NIPBL: variants seen among roughly 807,000 people sequenced by gnomAD.
The protein encoded by NIPBL is NIPBL cohesin loading factor.
In NIPBL, 19 loss-of-function variants were observed where a neutral mutation model predicts 321.8. The observed-to-expected ratio is 0.06, with a 90% CI of 0.04 to 0.09. The LOEUF (loss-of-function observed/expected upper bound fraction) is 0.09. Among genes scored for constraint, NIPBL ranks in the 10% least tolerant of loss-of-function variants. The pLI is 1.00. For synonymous variants in NIPBL, 1,106 were observed against 1,114.1 expected, an observed-to-expected ratio of 0.99 and a Z score of 0.14; for missense variants, 2,210 against 3,327.0, an observed-to-expected ratio of 0.66 and a Z score of 8.26.
rs1015605027 is a variant in NIPBL at position 37,045,432 on chromosome 5, A to G, written c.6344-11A>G. ...TAAATATTATAAGTAAATATTACTTATCTTTATTAGGTGCCATTTCAAAAT... is the reference window on the plus strand; with the variant it reads ...TAAATATTATAAGTAAATATTACTTGTCTTTATTAGGTGCCATTTCAAAAT... On this transcript the variant is annotated splice_polypyrimidine_tract_variant and intron_variant, in intron 36 of 46. Transcript: ENST00000282516. The G allele has an allele frequency of 1.3e-6, 2 of 1,574,016 alleles. No homozygotes were observed. The highest frequency in any genetic ancestry group is 2.7e-5 in the African/African-American group (2 of 74,106).
intron 4 of NIPBL, among the ~76,000 whole-genome samples, chr5:36,959,084 G>A (rs1741310267): frequency 6.6e-6 from 1 of 152,126 alleles, no homozygotes; most frequent in Admixed American, 6.5e-5. Context: ...GTGTGCGCCT[G>A]TAGTCCCAGC....
chr5:36,973,674 T>C (rs1315045505), intron 8 of NIPBL, among the ~76,000 whole-genome samples: 1 of 152,164 alleles, frequency 6.6e-6, no homozygotes, highest in African/African-American at 2.4e-5. Flanking sequence ...TTTCACCATG[T>C]TGGTCAGGCT....
chr5:36,908,891 C>G (rs1747842341), intron 1 of NIPBL, among the ~76,000 whole-genome samples: 1 of 152,188 alleles, frequency 6.6e-6, no homozygotes, highest in Non-Finnish European at 1.5e-5. Context: ...ATAACATATA[C>G]CATGTTACAT....
intron 1 of NIPBL, among the ~76,000 whole-genome samples, chr5:36,908,258 T>G (rs932862591): frequency 6.6e-6 from 1 of 152,208 alleles, no homozygotes; most frequent in Non-Finnish European, 1.5e-5. Flanking sequence ...TAGTGTTTGC[T>G]TAAACATTCT....
At chr5:36,904,236 C>T (rs932014743) in intron 1 of NIPBL, among the ~76,000 whole-genome samples, 2 of 152,194 alleles carry the variant, frequency 1.3e-5, no homozygotes, top group Non-Finnish European at 2.9e-5. Flanking sequence ...TTTGGGAGGC[C>T]GAGTTGGGCT....
chr5:37,016,348 ATGT>A (rs1748992848), intron 23 of NIPBL, among the ~76,000 whole-genome samples, 178 bp downstream of exon 23: 1 of 152,186 alleles, frequency 6.6e-6, no homozygotes, highest in South Asian at 2.1e-4. Flanking sequence ...AAATTTTCAA[ATGT>A]TGTGAAGTTT....
chr5:37,024,347 G>T (rs1462410929), intron 29 of NIPBL, among the ~76,000 whole-genome samples: 1 of 152,090 alleles, frequency 6.6e-6, no homozygotes, highest in Non-Finnish European at 1.5e-5. Context: ...CTAGTCTTGT[G>T]TCCAGGGCTT....
intron 40 of NIPBL, 60 bp from the exon 41 acceptor site, chr5:37,051,719 A>G (rs926811647): frequency 2.2e-5 from 25 of 1,148,870 alleles, no homozygotes; most frequent in African/African-American, 3.1e-5. Context: ...GTTTTGACAT[A>G]TGTCTAAATA....
chr5:37,059,291 G>A, intron 44 of NIPBL, 126 bp downstream of exon 44: 1 of 950,774 alleles, frequency 1.1e-6, no homozygotes, highest in Non-Finnish European at 1.6e-6. Flanking sequence ...CAGATCCCCT[G>A]AGGTCAGGAG....
intron 1 of NIPBL, among the ~76,000 whole-genome samples, chr5:36,945,643 C>T (rs1205447085): frequency 1.3e-5 from 2 of 152,114 alleles, no homozygotes; most frequent in East Asian, 3.8e-4. Flanking sequence ...AGTTTTAGAA[C>T]TTTGCTTTAT....
intron 32 of NIPBL, among the ~76,000 whole-genome samples, chr5:37,034,560 G>A (rs1751476738): frequency 6.6e-6 from 1 of 152,126 alleles, no homozygotes; most frequent in Non-Finnish European, 1.5e-5. Flanking sequence ...AAATACAGCT[G>A]TATGCAGTAA....
chr5:37,031,223 T>A (rs1481125125), intron 32 of NIPBL, among the ~76,000 whole-genome samples: 1 of 152,104 alleles, frequency 6.6e-6, no homozygotes, highest in African/African-American at 2.4e-5. Flanking sequence ...AGACCTCAGG[T>A]GATCTGCCCA....
chr5:36,877,538 G>T (rs75611087), intron 1 of NIPBL, among the ~76,000 whole-genome samples: 1 of 152,334 alleles, frequency 6.6e-6, no homozygotes, highest in East Asian at 1.9e-4. Context: ...CGGGAGTGGA[G>T]CCGTAGCTAG....
At chr5:37,064,222 T>C in intron 46 of NIPBL, 1 of 1,390,068 alleles carries the variant, frequency 7.2e-7, no homozygotes, top group Non-Finnish European at 9.3e-7. Flanking sequence ...TTTCTTTGAA[T>C]TGTATTAATG....
At chr5:36,934,921 T>G (rs1750044107) in intron 1 of NIPBL, among the ~76,000 whole-genome samples, 1 of 152,090 alleles carries the variant, frequency 6.6e-6, no homozygotes, top group Non-Finnish European at 1.5e-5. Flanking sequence ...AACCAAAGAA[T>G]GAGTTACCAG....
At chr5:36,964,705 T>C (rs1742013671) in intron 6 of NIPBL, among the ~76,000 whole-genome samples, 1 of 152,134 alleles carries the variant, frequency 6.6e-6, no homozygotes, top group South Asian at 2.1e-4. Flanking sequence ...AAAAAGCTTC[T>C]GTACAGCAAA....
chr5:36,890,843 T>C (rs956317974), intron 1 of NIPBL, among the ~76,000 whole-genome samples: 1 of 152,216 alleles, frequency 6.6e-6, no homozygotes, highest in African/African-American at 2.4e-5. Flanking sequence ...AGTCTTAATA[T>C]TTGAAATGTG....
At chr5:36,958,274 A>G (rs1561078503) in intron 4 of NIPBL, 43 bp downstream of exon 4, 1 of 1,600,846 alleles carries the variant, frequency 6.2e-7, no homozygotes, top group Non-Finnish European at 8.6e-7. Context: ...AACTTGTTTT[A>G]TACATATTTA....
rs1745107036 is a variant in NIPBL, at chr5:36,876,976, G to A, written c.-282G>A. On this transcript the variant is annotated 5_prime_UTR_variant, in exon 1 of 47. It adds an upstream start codon to the 5' untranslated region. Transcript: ENST00000282516. ...CGGGCCCGTGGTCGGGTGTTTGTGA[G>A]TGTTTCTATGTGGGAGAAGGAGGAG... 2.5e-6 allele frequency: 1 copy of A among 394,918 alleles called. No individual in the cohort carries two copies. The highest frequency in any genetic ancestry group is 4.5e-6 in the Non-Finnish European group (1 of 223,686). 24.5% of individuals were successfully genotyped at this position (394,918 alleles called of 1,614,324 possible).
Sources: allele counts gnomAD v4.1 joint callset (sites outside exome capture counted in the v4.1 genomes callset), GRCh38; gene constraint gnomAD v4.1.1; transcripts MANE v1.5; gene names NCBI Gene and HGNC (gene_info 2026-07-23, HGNC 2026-07-21).